Variants in ZCWPW2 observed in about 807,000 individuals in gnomAD.
ZCWPW2 encodes zinc finger CW-type PWWP domain protein 2.
A neutral mutation model predicts 46.6 loss-of-function variants in ZCWPW2; 45 were observed. The observed-to-expected ratio is 0.96, with a 90% CI of 0.76 to 1.24. The LOEUF (loss-of-function observed/expected upper bound fraction) is 1.24. Ranked by LOEUF, ZCWPW2 falls within the 50% of genes most tolerant of loss-of-function variation. The pLI is 0.00. For synonymous variants in ZCWPW2, 152 were observed against 137.1 expected, an observed-to-expected ratio of 1.11 and a Z score of -0.76; for missense variants, 429 against 403.9, an observed-to-expected ratio of 1.06 and a Z score of -0.53.
chr3:28,364,773 T>C (rs926228754), intron 1 of ZCWPW2, among the ~76,000 whole-genome samples: 8 of 152,038 alleles, frequency 5.3e-5, no homozygotes, highest in Non-Finnish European at 8.8e-5. Context: ...AACTAGTTTA[T>C]ATTCCCACTA....
intron 6 of ZCWPW2, among the ~76,000 whole-genome samples, chr3:28,501,550 T>C (rs896957148): frequency 2.0e-5 from 3 of 152,200 alleles, no homozygotes; most frequent in Non-Finnish European, 4.4e-5. Context: ...TTTATTTTTT[T>C]ATTGAAGTAA....
intron 3 of ZCWPW2, among the ~76,000 whole-genome samples, chr3:28,434,684 G>A (rs1697411655): frequency 6.6e-6 from 1 of 152,138 alleles, no homozygotes; most frequent in African/African-American, 2.4e-5. Flanking sequence ...GGAAATACCA[G>A]CTCTCTCCCA....
chr3:28,413,774 T>C (rs1410192748), intron 3 of ZCWPW2, among the ~76,000 whole-genome samples: 1 of 152,096 alleles, frequency 6.6e-6, no homozygotes, highest in East Asian at 1.9e-4. Flanking sequence ...TTACCAAATA[T>C]TGGGGAATTT....
intron 3 of ZCWPW2, among the ~76,000 whole-genome samples, chr3:28,430,692 C>A (rs1206006746): frequency 6.6e-6 from 1 of 152,092 alleles, no homozygotes; most frequent in Non-Finnish European, 1.5e-5. Flanking sequence ...GGGGGTGGGA[C>A]CTTGTGGGAG....
chr3:28,429,846 G>T (rs1428378680), intron 3 of ZCWPW2, among the ~76,000 whole-genome samples: 1 of 152,192 alleles, frequency 6.6e-6, no homozygotes, highest in South Asian at 2.1e-4. Flanking sequence ...GCTTACACAT[G>T]GTGTTGGGCC....
intron 1 of ZCWPW2, among the ~76,000 whole-genome samples, chr3:28,371,033 A>T (rs1472295421): frequency 3.3e-5 from 5 of 150,846 alleles, no homozygotes; most frequent in Non-Finnish European, 7.4e-5. Flanking sequence ...TGCCCAATAA[A>T]TTTTTTTTTT....
rs574739494 is a variant in ZCWPW2, at chr3:28,408,447, CTGTT to C, written c.-13-4607_-13-4604del. ...GCATTATTAATATTGTCTAGTTTTT[CTGTT>C]TCTTTTTAGAAATTTTCTAAAGTAA... On this transcript the variant is annotated intron_variant, in intron 2 of 9. Transcript: ENST00000383768. Among the ~76,000 whole-genome samples the C allele has an allele frequency of 4.6e-3, 696 of 152,200 alleles. 4 individuals carry two copies. Among genetic ancestry groups the C allele is most frequent in the Non-Finnish European group, 8.4e-3 (573 of 67,976 alleles).
intron 4 of ZCWPW2, among the ~76,000 whole-genome samples, chr3:28,465,773 G>A (rs780393911): frequency 1.2e-4 from 18 of 151,922 alleles, no homozygotes; most frequent in Non-Finnish European, 2.2e-4. Context: ...AAAAACTATG[G>A]TAAACAAAAC....
At chr3:28,444,966 A>C (rs1189942806) in intron 4 of ZCWPW2, among the ~76,000 whole-genome samples, 3 of 152,014 alleles carry the variant, frequency 2.0e-5, no homozygotes, top group Non-Finnish European at 4.4e-5. Flanking sequence ...CAGTGTTTCT[A>C]TACTGATATG....
chr3:28,436,323 CTT>C (rs71087698), intron 4 of ZCWPW2, among the ~76,000 whole-genome samples: 6 of 116,836 alleles, frequency 5.1e-5, no homozygotes, highest in South Asian at 2.8e-4. Context: ...TCTTTTTTTT[CTT>C]TTTTTTTTTT....
intron 5 of ZCWPW2, among the ~76,000 whole-genome samples, chr3:28,482,459 C>T (rs1389059636): frequency 6.6e-6 from 1 of 152,168 alleles, no homozygotes. Context: ...CTGCTGTAAA[C>T]ATATATGTGC....
intron 5 of ZCWPW2, among the ~76,000 whole-genome samples, chr3:28,480,323 T>C (rs1441239547): frequency 6.6e-6 from 1 of 152,214 alleles, no homozygotes; most frequent in Non-Finnish European, 1.5e-5. Context: ...ATCAGTGATG[T>C]TGAACTATTT....
At chr3:28,485,211 C>T (rs181773343) in intron 5 of ZCWPW2, among the ~76,000 whole-genome samples, 3 of 151,948 alleles carry the variant, frequency 2.0e-5, no homozygotes, top group Admixed American at 2.0e-4. Flanking sequence ...TGGATTTCCA[C>T]CTATCTCTCT....
chr3:28,376,417 T>A (rs983624034), intron 1 of ZCWPW2, among the ~76,000 whole-genome samples: 1 of 152,124 alleles, frequency 6.6e-6, no homozygotes, highest in Non-Finnish European at 1.5e-5. Flanking sequence ...GCTCTAGCTA[T>A]TTTTTGGATA....
intron 3 of ZCWPW2, among the ~76,000 whole-genome samples, chr3:28,420,301 C>G (rs1696717130): frequency 6.6e-6 from 1 of 152,078 alleles, no homozygotes; most frequent in Admixed American, 6.6e-5. Context: ...CCTCTACACA[C>G]TGCTTTGAAT....
chr3:28,424,952 T>C (rs1347617146), intron 3 of ZCWPW2, among the ~76,000 whole-genome samples: 1 of 152,236 alleles, frequency 6.6e-6, no homozygotes, highest in Non-Finnish European at 1.5e-5. Flanking sequence ...ATAATTTTTC[T>C]TGTCTCTAAT....
chr3:28,420,021 A>G (rs1231397292), intron 3 of ZCWPW2, among the ~76,000 whole-genome samples: 2 of 150,096 alleles, frequency 1.3e-5, no homozygotes, highest in Non-Finnish European at 3.0e-5. Flanking sequence ...ACGTGTATAC[A>G]TATGTAACAA....
intron 8 of ZCWPW2, among the ~76,000 whole-genome samples, chr3:28,516,934 C>T (rs1468329687): frequency 2.6e-5 from 4 of 152,132 alleles, no homozygotes; most frequent in Non-Finnish European, 5.9e-5. Context: ...ATCACCTGAG[C>T]CCAGGAGTTT....
At chr3:28,447,313 A>C (rs1698030903) in intron 4 of ZCWPW2, among the ~76,000 whole-genome samples, 1 of 152,208 alleles carries the variant, frequency 6.6e-6, no homozygotes, top group Non-Finnish European at 1.5e-5. Context: ...CACTATGGCC[A>C]AATAGGATTT....
Sources: gnomAD v4.1 joint callset for allele counts (sites outside exome capture counted in the v4.1 genomes callset) on GRCh38, gnomAD v4.1.1 for gene constraint, MANE v1.5 for transcripts, NCBI Gene and HGNC (gene_info 2026-07-23, HGNC 2026-07-21) for gene names.